The following SOX6 variants were observed in gnomAD, a reference collection of about 807,000 sequenced individuals.
The protein encoded by SOX6 is transcription factor SOX-6.
A neutral mutation model predicts 97.8 loss-of-function variants in SOX6; 11 were observed. The ratio of observed to expected loss-of-function variants is 0.11; its 90% CI spans 0.07 to 0.19. The LOEUF is 0.19. SOX6 is among the 10% of genes least tolerant of loss of function. The probability of loss-of-function intolerance (pLI) is 1.00; values close to 1 mark genes in which losing one functional copy is unlikely to be tolerated. For synonymous variants in SOX6, 360 were observed against 371.4 expected (o/e 0.97, Z 0.35); for missense variants, 810 against 1,039.5 (o/e 0.78, Z 3.04).
chr11:16,122,109 G>C (rs1404327834), intron 6 of SOX6, among the ~76,000 whole-genome samples: 2 of 151,948 alleles, frequency 1.3e-5, no homozygotes. Context: ...GGTTAAGGCA[G>C]AACAGCAAAT....
intron 3 of SOX6, among the ~76,000 whole-genome samples, chr11:16,306,160 T>C (rs565792392): frequency 6.6e-6 from 1 of 152,322 alleles, no homozygotes; most frequent in African/African-American, 2.4e-5. Context: ...ATTGTTTCAA[T>C]GTCAATAACC....
intron 3 of SOX6, among the ~76,000 whole-genome samples, chr11:16,278,818 A>G (rs371586015): frequency 1.3e-5 from 2 of 152,112 alleles, no homozygotes; most frequent in East Asian, 3.8e-4. Flanking sequence ...ATAGACCTAG[A>G]TCTAATGGGG....
chr11:16,120,636 G>GA (rs1849467936), intron 6 of SOX6, among the ~76,000 whole-genome samples: 1 of 150,692 alleles, frequency 6.6e-6, no homozygotes, highest in Middle Eastern at 3.2e-3. Flanking sequence ...TAAAGCAAAA[G>GA]AAAAAAATAG....
intron 4 of SOX6, among the ~76,000 whole-genome samples, chr11:16,514,565 C>CT (rs759148878): frequency 1.3e-5 from 2 of 150,746 alleles, no homozygotes; most frequent in East Asian, 3.9e-4. Context: ...TATTATTATA[C>CT]TTTAAGTTTT....
chr11:16,495,559 C>A (rs1319337182), intron 4 of SOX6, among the ~76,000 whole-genome samples: 1 of 152,186 alleles, frequency 6.6e-6, no homozygotes, highest in Non-Finnish European at 1.5e-5. Flanking sequence ...GGCACCCACC[C>A]CCATGTGCCA....
chr11:16,019,937 G>A (rs1005894509), intron 12 of SOX6, among the ~76,000 whole-genome samples: 2 of 152,132 alleles, frequency 1.3e-5, no homozygotes, highest in Admixed American at 1.3e-4. Flanking sequence ...TTTCAGCTAT[G>A]TCTAGGTTAT....
intron 1 of SOX6, among the ~76,000 whole-genome samples, chr11:16,454,183 C>T (rs1177521925): frequency 4.6e-5 from 7 of 152,006 alleles, no homozygotes; most frequent in African/African-American, 1.7e-4. Flanking sequence ...ACCAGGAGTA[C>T]GATTATTTTT....
chr11:16,060,944 A>G (rs1404342148), intron 9 of SOX6, among the ~76,000 whole-genome samples: 1 of 151,802 alleles, frequency 6.6e-6, no homozygotes, highest in Non-Finnish European at 1.5e-5. Flanking sequence ...GTGCCTTGCA[A>G]ATAACAGATA....
At chr11:16,684,045 T>C (rs1847949638) in intron 3 of SOX6, among the ~76,000 whole-genome samples, 1 of 152,166 alleles carries the variant, frequency 6.6e-6, no homozygotes, top group African/African-American at 2.4e-5. Flanking sequence ...AGATACCATC[T>C]CACACCAGTT....
chr11:16,395,561 G>T (rs2134433256), intron 1 of SOX6, among the ~76,000 whole-genome samples: 1 of 151,918 alleles, frequency 6.6e-6, no homozygotes, highest in East Asian at 1.9e-4. Context: ...TGATTTGGGA[G>T]AAAGACAAGA....
At chr11:16,517,790 A>G (rs1860997076) in intron 4 of SOX6, among the ~76,000 whole-genome samples, 1 of 152,200 alleles carries the variant, frequency 6.6e-6, no homozygotes, top group African/African-American at 2.4e-5. Flanking sequence ...CCTCTAAAGT[A>G]TATCTACAAA....
intron 4 of SOX6, among the ~76,000 whole-genome samples, chr11:16,486,930 A>T (rs892598124): frequency 6.6e-6 from 1 of 152,006 alleles, no homozygotes; most frequent in Non-Finnish European, 1.5e-5. Flanking sequence ...ATAATTTTAA[A>T]GATTATTAGA....
chr11:16,420,422 C>T (rs1858999546), intron 1 of SOX6, among the ~76,000 whole-genome samples: 1 of 152,056 alleles, frequency 6.6e-6, no homozygotes, highest in South Asian at 2.1e-4. Flanking sequence ...AATGTGTATT[C>T]CTTTCCATTC....
intron 1 of SOX6, among the ~76,000 whole-genome samples, chr11:16,427,300 G>T (rs1400305566): frequency 6.7e-6 from 1 of 149,738 alleles, no homozygotes; most frequent in Non-Finnish European, 1.5e-5. Context: ...CCACTAAAAA[G>T]TGTGCAACGG....
intron 4 of SOX6, among the ~76,000 whole-genome samples, chr11:16,586,713 C>T (rs1589996311): frequency 6.6e-6 from 1 of 151,678 alleles, no homozygotes; most frequent in African/African-American, 2.4e-5. Flanking sequence ...GAGTGAGAGA[C>T]TGTCTGTAAA....
chr11:16,303,694 T>C (rs1471200665), intron 3 of SOX6, among the ~76,000 whole-genome samples: 2 of 152,162 alleles, frequency 1.3e-5, no homozygotes, highest in Non-Finnish European at 2.9e-5. Context: ...GCATAAAACA[T>C]ACAGACTATT....
intron 6 of SOX6, among the ~76,000 whole-genome samples, chr11:16,165,135 C>A (rs1850853683): frequency 6.6e-6 from 1 of 152,118 alleles, no homozygotes; most frequent in South Asian, 2.1e-4. Flanking sequence ...TATTTGCAAG[C>A]CACAAATACT....
At chr11:16,259,637 G>A (rs1217315510) in intron 3 of SOX6, among the ~76,000 whole-genome samples, 1 of 152,118 alleles carries the variant, frequency 6.6e-6, no homozygotes, top group African/African-American at 2.4e-5. Flanking sequence ...AAGACATTAT[G>A]ATGAGTGGAA....
Position 15,968,988 on chromosome 11 carries a change from G to C in SOX6, c.*3821C>G, listed in dbSNP as rs1853220396. On this transcript the variant is annotated 3_prime_UTR_variant, in exon 16 of 16. Coordinates refer to ENST00000683767, the MANE Select transcript of SOX6 (RefSeq NM_001367873.1). Reference sequence around the variant, plus strand: ...GTTGTCAGCCTAGCGGCTCGTATCCGCAAAGCGACCTTTTTTTTCTCTCTC... The same window carrying C: ...GTTGTCAGCCTAGCGGCTCGTATCCCCAAAGCGACCTTTTTTTTCTCTCTC... 6.6e-6 allele frequency: 1 copy of C among 151,770 alleles called. No homozygotes were observed. Among genetic ancestry groups the C allele is most frequent in the Non-Finnish European group, 1.5e-5 (1 of 67,972 alleles). The allele number at this position is 151,770 out of a possible 1,614,324, so 9.4% of individuals were successfully genotyped here.
Sources: gnomAD v4.1 joint callset for allele counts (sites outside exome capture counted in the v4.1 genomes callset) on GRCh38, gnomAD v4.1.1 for gene constraint, MANE v1.5 for transcripts, NCBI Gene and HGNC (gene_info 2026-07-23, HGNC 2026-07-21) for gene names.